PDZRN3: variants seen among roughly 807,000 people sequenced by gnomAD.
The protein encoded by PDZRN3 is E3 ubiquitin-protein ligase PDZRN3.
In PDZRN3, 38 loss-of-function variants were observed where a neutral mutation model predicts 85.7. The observed-to-expected ratio is 0.44, with a 90% CI of 0.34 to 0.58. PDZRN3 has a LOEUF of 0.58. Ranked by LOEUF, PDZRN3 falls within the 20% of genes least tolerant of loss-of-function variation. The pLI, the probability that PDZRN3 is intolerant of heterozygous loss-of-function variation, is 0.01. For synonymous variants in PDZRN3, 759 were observed against 638.0 expected, an observed-to-expected ratio of 1.19 and a Z score of -2.86; for missense variants, 1,629 against 1,506.4, an observed-to-expected ratio of 1.08 and a Z score of -1.35.
chr3:73,504,013 G>A (rs78635665), intron 3 of PDZRN3, among the ~76,000 whole-genome samples: 2,582 of 152,226 alleles, frequency 0.017, 86 homozygotes, highest in African/African-American at 0.059. Context: ...GTTGAACACA[G>A]TATCCCGAAG....
intron 3 of PDZRN3, among the ~76,000 whole-genome samples, chr3:73,512,660 G>A (rs1704188223): frequency 6.6e-6 from 1 of 151,930 alleles, no homozygotes; most frequent in African/African-American, 2.4e-5. Context: ...GCCTGTTATA[G>A]TAAATAAGAC....
chr3:73,584,013 T>C (rs1462413042), intron 3 of PDZRN3, among the ~76,000 whole-genome samples: 1 of 152,172 alleles, frequency 6.6e-6, no homozygotes, highest in Non-Finnish European at 1.5e-5. Context: ...CTAGGTGGTC[T>C]GTAACATGAA....
At chr3:73,598,917 AG>A (rs923639860) in intron 3 of PDZRN3, among the ~76,000 whole-genome samples, 51 of 152,192 alleles carry the variant, frequency 3.4e-4, no homozygotes, top group African/African-American at 1.2e-3. Flanking sequence ...AGCAATCTGC[AG>A]GGGCATTTTT....
chr3:73,463,919 C>T (rs1159491701), intron 3 of PDZRN3, among the ~76,000 whole-genome samples: 2 of 152,166 alleles, frequency 1.3e-5, no homozygotes, highest in African/African-American at 4.8e-5. Flanking sequence ...CAAACCTGCA[C>T]ATCCTGCACG....
At chr3:73,407,826 C>T (rs921496235) in intron 3 of PDZRN3, among the ~76,000 whole-genome samples, 1 of 152,150 alleles carries the variant, frequency 6.6e-6, no homozygotes, top group Non-Finnish European at 1.5e-5. Flanking sequence ...TTGAGGCATA[C>T]TCAATTACAA....
At chr3:73,553,752 C>T (rs1701622524) in intron 3 of PDZRN3, among the ~76,000 whole-genome samples, 1 of 152,106 alleles carries the variant, frequency 6.6e-6, no homozygotes, top group Non-Finnish European at 1.5e-5. Context: ...TCAATACAGG[C>T]TGGAGGAGTA....
At chr3:73,462,029 CTCA>C (rs1255645236) in intron 3 of PDZRN3, among the ~76,000 whole-genome samples, 44 of 152,192 alleles carry the variant, frequency 2.9e-4, no homozygotes, top group Non-Finnish European at 5.9e-5. Context: ...TAGATCATCT[CTCA>C]TGTTTCACAT....
At chr3:73,514,714 A>G (rs1704225897) in intron 3 of PDZRN3, among the ~76,000 whole-genome samples, 1 of 152,192 alleles carries the variant, frequency 6.6e-6, no homozygotes, top group South Asian at 2.1e-4. Context: ...AACTATCAGA[A>G]TTCCAAGCAA....
At chr3:73,511,099 T>C (rs953287434) in intron 3 of PDZRN3, among the ~76,000 whole-genome samples, 4 of 152,168 alleles carry the variant, frequency 2.6e-5, no homozygotes, top group African/African-American at 9.7e-5. Context: ...GGCGGCAAAA[T>C]GTTACCAGTG....
intron 3 of PDZRN3, among the ~76,000 whole-genome samples, chr3:73,522,589 C>T (rs1187299862): frequency 6.6e-6 from 1 of 152,176 alleles, no homozygotes; most frequent in Admixed American, 6.5e-5. Context: ...ACCTCTGAAC[C>T]TGGTATCTGA....
At chr3:73,534,794 G>GA (rs1288687564) in intron 3 of PDZRN3, among the ~76,000 whole-genome samples, 4 of 152,208 alleles carry the variant, frequency 2.6e-5, no homozygotes, top group African/African-American at 9.7e-5. Flanking sequence ...CTGAGGCTCA[G>GA]AAAAGAGGGT....
intron 3 of PDZRN3, among the ~76,000 whole-genome samples, chr3:73,512,772 T>G (rs1207672392): frequency 3.9e-5 from 6 of 152,176 alleles, no homozygotes; most frequent in Non-Finnish European, 8.8e-5. Context: ...TAGCCAAACA[T>G]TCCCTCATTC....
chr3:73,497,613 A>G (rs1703890440), intron 3 of PDZRN3, among the ~76,000 whole-genome samples: 1 of 152,256 alleles, frequency 6.6e-6, no homozygotes, highest in African/African-American at 2.4e-5. Flanking sequence ...ATATAAAAGT[A>G]GAGGACAGCG....
intron 3 of PDZRN3, among the ~76,000 whole-genome samples, chr3:73,491,592 C>CTTTTTTTTT (rs367581488): frequency 0.13 from 14,741 of 117,342 alleles, 2,710 homozygotes; most frequent in African/African-American, 0.38. Flanking sequence ...GTGGAAGGTT[C>CTTTTTTTTT]CTTTTTTTTT....
intron 3 of PDZRN3, among the ~76,000 whole-genome samples, chr3:73,498,526 C>T (rs573289497): frequency 2.6e-5 from 4 of 152,196 alleles, no homozygotes; most frequent in East Asian, 1.9e-4. Flanking sequence ...TATAACCTAA[C>T]GCTACCTTTT....
intron 3 of PDZRN3, among the ~76,000 whole-genome samples, chr3:73,522,087 T>G (rs1449809751): frequency 6.6e-6 from 1 of 152,216 alleles, no homozygotes; most frequent in African/African-American, 2.4e-5. Flanking sequence ...CAAGTTTTAT[T>G]GAAACACAGC....
intron 3 of PDZRN3, among the ~76,000 whole-genome samples, chr3:73,492,217 A>T (rs1703784006): frequency 6.6e-6 from 1 of 152,302 alleles, no homozygotes. Context: ...AAATTATCAA[A>T]ATATTTCACA....
At chr3:73,546,027 G>A (rs1701415200) in intron 3 of PDZRN3, among the ~76,000 whole-genome samples, 3 of 152,140 alleles carry the variant, frequency 2.0e-5, no homozygotes, top group Admixed American at 2.0e-4. Flanking sequence ...GCTGCCTGAG[G>A]GCAGGGGCCT....
At chr3:73,421,026 TCAA>T (rs1392262211) in intron 3 of PDZRN3, among the ~76,000 whole-genome samples, 1 of 152,210 alleles carries the variant, frequency 6.6e-6, no homozygotes, top group Non-Finnish European at 1.5e-5. Flanking sequence ...TCATGGGAAT[TCAA>T]CATAGTACTG....
Sources: gnomAD v4.1 joint callset for allele counts (sites outside exome capture counted in the v4.1 genomes callset) on GRCh38, gnomAD v4.1.1 for gene constraint, MANE v1.5 for transcripts, NCBI Gene and HGNC (gene_info 2026-07-23, HGNC 2026-07-21) for gene names.